Variants in CCSER1 observed in about 807,000 individuals in gnomAD.
CCSER1 encodes serine-rich coiled-coil domain-containing protein 1.
A neutral mutation model predicts 82.0 loss-of-function variants in CCSER1; 41 were observed. The observed-to-expected ratio is 0.50, with a 90% CI of 0.39 to 0.65. The LOEUF is 0.65. Ranked by LOEUF, CCSER1 falls within the 30% of genes least tolerant of loss-of-function variation. The probability of loss-of-function intolerance (pLI) is 0.00; values close to 1 mark genes in which losing one functional copy is unlikely to be tolerated. For missense variants in CCSER1, 1,119 were observed against 1,064.2 expected, an observed-to-expected ratio of 1.05 and a Z score of -0.72; for synonymous variants, 414 against 383.9, an observed-to-expected ratio of 1.08 and a Z score of -0.92.
intron 7 of CCSER1, among the ~76,000 whole-genome samples, chr4:90,745,631 A>G (rs1747287931): frequency 6.7e-6 from 1 of 149,862 alleles, no homozygotes. Context: ...ATTAATACAG[A>G]GAAAGGAATT....
At chr4:90,916,765 C>A (rs559039154) in intron 8 of CCSER1, among the ~76,000 whole-genome samples, 1 of 152,266 alleles carries the variant, frequency 6.6e-6, no homozygotes, top group East Asian at 1.9e-4. Context: ...ATCTACTCAT[C>A]TGACAAAGGG....
At chr4:90,436,790 A>G (rs956139868) in intron 4 of CCSER1, among the ~76,000 whole-genome samples, 2 of 151,886 alleles carry the variant, frequency 1.3e-5, no homozygotes, top group African/African-American at 4.8e-5. Flanking sequence ...AGCATTTGTA[A>G]TCATGGAGAA....
intron 1 of CCSER1, among the ~76,000 whole-genome samples, chr4:90,129,034 T>C (rs1722372840): frequency 6.6e-6 from 1 of 152,236 alleles, no homozygotes; most frequent in South Asian, 2.1e-4. Context: ...TTTCAGGCAG[T>C]CAGTAGGACT....
At chr4:90,986,780 T>C (rs1736611127) in intron 9 of CCSER1, among the ~76,000 whole-genome samples, 1 of 151,744 alleles carries the variant, frequency 6.6e-6, no homozygotes. Context: ...CATAAATCAT[T>C]GGCATGATTA....
intron 10 of CCSER1, among the ~76,000 whole-genome samples, chr4:91,265,094 A>T (rs1319348923): frequency 6.6e-6 from 1 of 152,016 alleles, no homozygotes; most frequent in Non-Finnish European, 1.5e-5. Flanking sequence ...ATTTCCTTAG[A>T]TATCTCACTA....
At chr4:91,298,604 G>A (rs961632537) in intron 10 of CCSER1, among the ~76,000 whole-genome samples, 1 of 151,964 alleles carries the variant, frequency 6.6e-6, no homozygotes, top group Non-Finnish European at 1.5e-5. Flanking sequence ...TGGGAATGGA[G>A]ACTAACTAAG....
In CCSER1 at chr4:90,960,501, A is replaced by G. The variant is rs564033241; in HGVS notation, c.2172+37054A>G. Among the ~76,000 whole-genome samples the G allele has an allele frequency of 7.2e-5, 11 of 152,260 alleles. No homozygotes were observed. The South Asian group carries it at 2.3e-3, about 32-fold the overall frequency. On this transcript the variant is annotated intron_variant, in intron 9 of 10. Coordinates refer to ENST00000509176, the MANE Select transcript of CCSER1 (RefSeq NM_001145065.2). ...TACCTGAAACCTCAACTGCACCTCA[A>G]TTCCTAAGCCAAGTTAGACAGAAGT...
chr4:91,015,007 A>G (rs1197537253), intron 9 of CCSER1, among the ~76,000 whole-genome samples: 1 of 128,912 alleles, frequency 7.8e-6, no homozygotes, highest in Non-Finnish European at 1.9e-5. Flanking sequence ...AAAAAATACA[A>G]TATCAATACA....
At chr4:90,953,242 TATAAC>T (rs1158813601) in intron 9 of CCSER1, among the ~76,000 whole-genome samples, 3 of 151,908 alleles carry the variant, frequency 2.0e-5, no homozygotes, top group African/African-American at 4.8e-5. Flanking sequence ...ATTAGAAAAT[TATAAC>T]AGAACTGAAG....
chr4:91,029,052 A>G (rs940209907), intron 9 of CCSER1, among the ~76,000 whole-genome samples: 3 of 152,054 alleles, frequency 2.0e-5, no homozygotes, highest in Admixed American at 6.6e-5. Context: ...GAATAAAATT[A>G]TATGTAAATG....
intron 6 of CCSER1, among the ~76,000 whole-genome samples, chr4:90,691,988 A>T (rs1000518814): frequency 4.7e-5 from 7 of 149,984 alleles, no homozygotes; most frequent in African/African-American, 7.3e-5. Flanking sequence ...ACTAAATTAA[A>T]TTTTTTAAAA....
At chr4:90,664,981 T>C (rs967514038) in intron 6 of CCSER1, among the ~76,000 whole-genome samples, 3 of 152,206 alleles carry the variant, frequency 2.0e-5, no homozygotes, top group Non-Finnish European at 4.4e-5. Flanking sequence ...TTTAGTTCTG[T>C]GGAAAAGTAG....
chr4:90,563,048 C>G (rs992517909), intron 5 of CCSER1, among the ~76,000 whole-genome samples: 22 of 152,108 alleles, frequency 1.4e-4, no homozygotes, highest in African/African-American at 4.8e-4. Flanking sequence ...AAAAATTATT[C>G]ATAACCCTTG....
intron 1 of CCSER1, among the ~76,000 whole-genome samples, chr4:90,297,919 T>C (rs562616325): frequency 0.014 from 2,119 of 152,036 alleles, 61 homozygotes; most frequent in African/African-American, 0.048. Context: ...AGGATTTTTG[T>C]ATCAATGTTC....
At chr4:91,589,090 T>A (rs1764144899) in intron 10 of CCSER1, among the ~76,000 whole-genome samples, 1 of 151,884 alleles carries the variant, frequency 6.6e-6, no homozygotes, top group Non-Finnish European at 1.5e-5. Context: ...TCAAGCTTAT[T>A]CCTAAAAGTA....
intron 10 of CCSER1, among the ~76,000 whole-genome samples, chr4:91,492,186 G>A (rs1758584718): frequency 6.6e-6 from 1 of 151,872 alleles, no homozygotes; most frequent in East Asian, 1.9e-4. Context: ...CATTATAATG[G>A]CTGGATTTTT....
chr4:90,971,079 AAAG>A (rs1421876724), intron 9 of CCSER1, among the ~76,000 whole-genome samples: 2 of 152,130 alleles, frequency 1.3e-5, no homozygotes, highest in African/African-American at 2.4e-5. Flanking sequence ...CAGCAGAAGT[AAAG>A]TAGAGGCTAG....
rs147613503 is a variant in CCSER1, at chr4:90,926,966, G to T, written c.2172+3519G>T. On this transcript the variant is annotated intron_variant, in intron 9 of 10. Coordinates refer to ENST00000509176, the MANE Select transcript of CCSER1 (RefSeq NM_001145065.2). Reference sequence around the variant, plus strand: ...TCTAATTACATCAAATGTATAAACAGATGTTTCAATGTAGTATATATGCTG... The same window carrying T: ...TCTAATTACATCAAATGTATAAACATATGTTTCAATGTAGTATATATGCTG... Among the ~76,000 whole-genome samples, 944 of 152,106 alleles carry T rather than the reference G, an allele frequency of 6.2e-3. 14 individuals carry two copies. The highest frequency in any genetic ancestry group is 0.022 in the African/African-American group (910 of 41,548).
At chr4:90,285,648 A>G (rs1398788080) in intron 1 of CCSER1, among the ~76,000 whole-genome samples, 1 of 152,016 alleles carries the variant, frequency 6.6e-6, no homozygotes. Context: ...AGCTTGTCTA[A>G]TTGCTCTGGC....
Sources: allele counts gnomAD v4.1 joint callset (sites outside exome capture counted in the v4.1 genomes callset), GRCh38; gene constraint gnomAD v4.1.1; transcripts MANE v1.5; gene names NCBI Gene and HGNC (gene_info 2026-07-23, HGNC 2026-07-21).